OSBPL10: variants seen among roughly 807,000 people sequenced by gnomAD.
The protein encoded by OSBPL10 is oxysterol-binding protein-related protein 10.
Under a neutral mutation model 81.7 loss-of-function variants are expected in OSBPL10, and 49 were observed. The ratio of observed to expected loss-of-function variants is 0.60; its 90% CI spans 0.48 to 0.76. The LOEUF is 0.76. OSBPL10 is among the 30% of genes least tolerant of loss of function. The probability of loss-of-function intolerance (pLI) is 0.00; values close to 1 mark genes in which losing one functional copy is unlikely to be tolerated. For synonymous variants in OSBPL10, 419 were observed against 383.6 expected, an observed-to-expected ratio of 1.09 and a Z score of -1.08; for missense variants, 923 against 987.8, an observed-to-expected ratio of 0.93 and a Z score of 0.88.
In OSBPL10 at chr3:31,733,392, G is replaced by C. The variant is rs201759769; in HGVS notation, c.960C>G (p.His320Gln). 1.4e-5 allele frequency: 22 copies of C among 1,613,988 alleles called. No homozygotes were observed. The highest frequency in any genetic ancestry group is 1.6e-4 in the Middle Eastern group (1 of 6,084). ...PGASENILGW[H>Q]GSKSHSTEQL... is the part of the protein sequence containing the mutation. ...GCTCTGTGGAATGTGACTTGGACCC[G>C]TGCCATCCCAGGATGTTTTCTGAAA... is the stretch of plus-strand genomic sequence containing the variant. The change falls in exon 6 of 12, where the codon CAC becomes CAG. Residue 320 changes from histidine to glutamine, a missense_variant. His to Gln is a conservative substitution (Grantham distance 24). This residue lies in a region of OSBPL10 where 514 missense variants were observed against 508.0 expected (regional missense o/e 1.01). Transcript: ENST00000396556.
chr3:31,980,828 TACACACACGCACGCACACACACACACAC>T, intron 1 of OSBPL10, 43 bp downstream of exon 1: 1 of 1,423,624 alleles, frequency 7.0e-7, no homozygotes, highest in Non-Finnish European at 9.2e-7. Context: ...CAGACACACA[TACACACACGCACGCACACACACACACAC>T]ACACACAGCG....
In OSBPL10 at chr3:31,898,809, A is replaced by G. The variant is rs80046249; in HGVS notation, c.282-18979T>C. Reference sequence around the variant, plus strand: ...GTAAACAAAGGCAAATCTAAACAATATAAGTCTACATAAAATAATAAAGAT... The same window carrying G: ...GTAAACAAAGGCAAATCTAAACAATGTAAGTCTACATAAAATAATAAAGAT... On this transcript the variant is annotated intron_variant, in intron 1 of 11. Transcript: ENST00000396556. Among the ~76,000 whole-genome samples, 1,303 of 152,144 alleles carry G rather than the reference A, an allele frequency of 8.6e-3. 100 individuals are homozygous for G. In the East Asian group the frequency reaches 0.18, roughly 21 times the overall value.
At chr3:31,812,944 T>C (rs1446276016) in intron 4 of OSBPL10, among the ~76,000 whole-genome samples, 3 of 152,150 alleles carry the variant, frequency 2.0e-5, no homozygotes, top group Non-Finnish European at 2.9e-5. Flanking sequence ...GCTCAAAATA[T>C]AGAACAGAAG....
At chr3:31,978,176 A>G (rs1301085527) in intron 1 of OSBPL10, among the ~76,000 whole-genome samples, 1 of 152,196 alleles carries the variant, frequency 6.6e-6, no homozygotes, top group Non-Finnish European at 1.5e-5. Flanking sequence ...CTACAATTGC[A>G]CAGCAGCCTG....
rs188789011 is a variant in OSBPL10 at position 31,799,070 on chromosome 3, C to A, written c.729+30970G>T. On this transcript the variant is annotated intron_variant, in intron 4 of 11. Coordinates refer to ENST00000396556, the MANE Select transcript of OSBPL10 (RefSeq NM_017784.5). ...AGTCCATGGGTTAGTACAGGTCCAC[C>A]ACCTGGGGATTGGGAATCCCTACCT... Among the ~76,000 whole-genome samples, 130 of 152,288 alleles carry A rather than the reference C, an allele frequency of 8.5e-4. 1 individual carries two copies. Among genetic ancestry groups the A allele is most frequent in the Middle Eastern group, 3.4e-3 (1 of 294 alleles).
intron 1 of OSBPL10, among the ~76,000 whole-genome samples, chr3:31,891,470 A>G (rs9821943): frequency 0.03 from 4,613 of 152,294 alleles, 232 homozygotes; most frequent in African/African-American, 0.11. Flanking sequence ...TGCAAAAACA[A>G]AAAGCTGGCT....
At chr3:31,966,814 G>T (rs999645879) in intron 1 of OSBPL10, among the ~76,000 whole-genome samples, 1 of 152,072 alleles carries the variant, frequency 6.6e-6, no homozygotes, top group Non-Finnish European at 1.5e-5. Flanking sequence ...TACTAAACAC[G>T]ATATCTGGAT....
chr3:31,965,748 T>G (rs1217289681), intron 1 of OSBPL10, among the ~76,000 whole-genome samples: 1 of 68,684 alleles, frequency 1.5e-5, no homozygotes, highest in Non-Finnish European at 2.4e-5. Flanking sequence ...ATTTATATAA[T>G]ATATATTATA....
chr3:31,974,427 C>T (rs1401775676), intron 1 of OSBPL10, among the ~76,000 whole-genome samples: 1 of 152,184 alleles, frequency 6.6e-6, no homozygotes, highest in Non-Finnish European at 1.5e-5. Context: ...GTTCTCCAAA[C>T]ACAGGTACTA....
intron 5 of OSBPL10, among the ~76,000 whole-genome samples, chr3:31,736,813 T>C (rs1450277226): frequency 6.6e-6 from 1 of 152,142 alleles, no homozygotes; most frequent in East Asian, 1.9e-4. Context: ...GATGGGAAGA[T>C]CACTTGAGCC....
At chr3:31,787,685 A>T (rs747781898) in intron 4 of OSBPL10, among the ~76,000 whole-genome samples, 9 of 152,092 alleles carry the variant, frequency 5.9e-5, no homozygotes, top group Non-Finnish European at 1.0e-4. Flanking sequence ...AACCCTGTTG[A>T]TCAGCAAGAC....
intron 1 of OSBPL10, among the ~76,000 whole-genome samples, chr3:31,927,488 TTC>T (rs1258185788): frequency 6.6e-6 from 1 of 152,206 alleles, no homozygotes; most frequent in African/African-American, 2.4e-5. Context: ...GATCACACAC[TTC>T]TCTGTCTTCG....
intron 4 of OSBPL10, among the ~76,000 whole-genome samples, chr3:31,752,679 C>T (rs1466648015): frequency 6.6e-6 from 1 of 152,176 alleles, no homozygotes; most frequent in Admixed American, 6.5e-5. Context: ...ATATCTAGCT[C>T]AACAAGTTTA....
At chr3:32,066,566 A>G (rs949683460) in intron 1 of OSBPL10, 1 of 152,242 alleles carries the variant, frequency 6.6e-6, no homozygotes, top group Admixed American at 6.5e-5. Context: ...CCTCCTGCAA[A>G]CTCAGTGACA....
chr3:31,803,840 G>A (rs1699456288), intron 4 of OSBPL10, among the ~76,000 whole-genome samples: 2 of 152,166 alleles, frequency 1.3e-5, no homozygotes, highest in Non-Finnish European at 1.5e-5. Flanking sequence ...ATAACACAGA[G>A]GTGATGTTGT....
chr3:31,683,546 A>C, intron 8 of OSBPL10, 88 bp downstream of exon 8: 1 of 1,508,914 alleles, frequency 6.6e-7, no homozygotes, highest in Non-Finnish European at 8.9e-7. Context: ...CAACAACAAA[A>C]AACTCCACAC....
At chr3:31,799,379 TAAAAAAAAAAA>T (rs61157535) in intron 4 of OSBPL10, among the ~76,000 whole-genome samples, 51 of 56,242 alleles carry the variant, frequency 9.1e-4, no homozygotes, top group Admixed American at 3.3e-3. Context: ...CCTATCTCTT[TAAAAAAAAAAA>T]AAAAAAAAAA....
In OSBPL10 at chr3:31,871,461, G is replaced by A. The variant is rs144507202; in HGVS notation, c.537+4972C>T. ...CACCTTAAAAGCTGTAACACTCACC[G>A]CAAGGGTCCACGGCTTCATTCTTGA... On this transcript the variant is annotated intron_variant, in intron 3 of 11. Coordinates refer to ENST00000396556, the MANE Select transcript of OSBPL10 (RefSeq NM_017784.5). Among the ~76,000 whole-genome samples the A allele has an allele frequency of 1.8e-4, 27 of 152,296 alleles. No individual in the cohort carries two copies. In the South Asian group the frequency reaches 3.5e-3, roughly 20 times the overall value.
At chr3:31,689,330 A>T (rs1474533328) in intron 7 of OSBPL10, among the ~76,000 whole-genome samples, 1 of 152,200 alleles carries the variant, frequency 6.6e-6, no homozygotes, top group African/African-American at 2.4e-5. Context: ...CATAAAGGAC[A>T]TGATTGGGAC....
Sources: gnomAD v4.1 joint callset for allele counts (sites outside exome capture counted in the v4.1 genomes callset) on GRCh38, gnomAD v4.1.1 for gene constraint, gnomAD v4.1.1 regional missense constraint, MANE v1.5 for transcripts, NCBI Gene and HGNC (gene_info 2026-07-23, HGNC 2026-07-21) for gene names.